TMPRSS15: variants seen among roughly 807,000 people sequenced by gnomAD.
TMPRSS15 encodes the protein transmembrane serine protease 15, also known as enteropeptidase.
In TMPRSS15, 128 loss-of-function variants were observed where a neutral mutation model predicts 125.3. That is an observed-to-expected ratio of 1.02 (90% confidence interval 0.89 to 1.18). TMPRSS15 has a LOEUF of 1.18. Ranked by LOEUF, TMPRSS15 falls within the 50% of genes most tolerant of loss-of-function variation. The probability of loss-of-function intolerance (pLI) is 0.00; values close to 1 mark genes in which losing one functional copy is unlikely to be tolerated. For missense variants in TMPRSS15, 1,283 were observed against 1,212.7 expected (o/e 1.06, Z -0.86); for synonymous variants, 446 against 423.2 (o/e 1.05, Z -0.66).
At chr21:18,363,336 A>C (rs1207969197) in intron 7 of TMPRSS15, among the ~76,000 whole-genome samples, 1 of 152,132 alleles carries the variant, frequency 6.6e-6, no homozygotes, top group African/African-American at 2.4e-5. Context: ...ATGGAAAGAA[A>C]CTAAAAACAA....
At chr21:18,403,376 C>G in intron 1 of TMPRSS15, 102 bp downstream of exon 1, 1 of 1,476,854 alleles carries the variant, frequency 6.8e-7, no homozygotes, top group Non-Finnish European at 9.4e-7. Flanking sequence ...CAAAATAATG[C>G]ATTTAGTTGG....
intron 11 of TMPRSS15, 32 bp from the exon 12 acceptor site, chr21:18,343,688 T>G: frequency 6.3e-7 from 1 of 1,596,700 alleles, no homozygotes. Context: ...ATGTTTGGAT[T>G]CCTACAACAT....
At position 18,270,194 on chromosome 21, in the gene TMPRSS15, T is replaced by TATC. The variant is rs113308814; in HGVS notation, c.2905-73_2905-71dup. Reference sequence around the variant, plus strand: ...TGATCGAAACATATAAAATTATTTGTATCAAATAAATTAAAAAATAAAAAT... The same window carrying TATC: ...TGATCGAAACATATAAAATTATTTGTATCATCAAATAAATTAAAAAATAAAAAT... On this transcript the variant is annotated intron_variant, in intron 24 of 24. Coordinates refer to ENST00000284885, the MANE Select transcript of TMPRSS15 (RefSeq NM_002772.3). The TATC allele has an allele frequency of 9.2e-3, 12,048 of 1,307,402 alleles. 860 individuals carry two copies. In the African/African-American group the frequency reaches 0.15, roughly 17 times the overall value. 81.0% of individuals were successfully genotyped at this position (1,307,402 alleles called of 1,614,324 possible). A position where few individuals can be genotyped will look rare whatever the true frequency, so the allele number is the denominator to read the frequency against.
intron 16 of TMPRSS15, among the ~76,000 whole-genome samples, chr21:18,318,582 A>G (rs2075199190): frequency 6.6e-6 from 1 of 152,190 alleles, no homozygotes; most frequent in Admixed American, 6.5e-5. Context: ...AGAAGCTTTG[A>G]ATTAGATGAT....
At chr21:18,275,833 G>T (rs542382822) in intron 23 of TMPRSS15, among the ~76,000 whole-genome samples, 1 of 152,278 alleles carries the variant, frequency 6.6e-6, no homozygotes, top group East Asian at 1.9e-4. Context: ...ACTATGCCCT[G>T]GTCTAGGGGC....
chr21:18,292,273 G>A (rs1309534198), intron 21 of TMPRSS15, among the ~76,000 whole-genome samples: 2 of 152,254 alleles, frequency 1.3e-5, no homozygotes, highest in East Asian at 3.9e-4. Flanking sequence ...TAAAGACAGG[G>A]CGTTCCTTCT....
chr21:18,380,611 A>G (rs1265922575), intron 4 of TMPRSS15: 1 of 470,574 alleles, frequency 2.1e-6, no homozygotes, highest in African/African-American at 2.0e-5. Flanking sequence ...TTGATTTAAC[A>G]CATGAGTTTA....
At chr21:18,270,195 A>G in intron 24 of TMPRSS15, 71 bp from the exon 25 acceptor site, 1 of 1,271,852 alleles carries the variant, frequency 7.9e-7, no homozygotes, top group Non-Finnish European at 1.1e-6. Flanking sequence ...AATTATTTGT[A>G]TCAAATAAAT....
chr21:18,295,571 C>A (rs940322751), intron 19 of TMPRSS15, among the ~76,000 whole-genome samples: 4 of 152,162 alleles, frequency 2.6e-5, no homozygotes, highest in Non-Finnish European at 5.9e-5. Flanking sequence ...AAGATCCACA[C>A]GTCTAATCAA....
chr21:18,480,992 C>T (rs1039843160), intron 1 of TMPRSS15, among the ~76,000 whole-genome samples: 2 of 151,736 alleles, frequency 1.3e-5, no homozygotes, highest in African/African-American at 2.4e-5. Flanking sequence ...CTCCACTAAT[C>T]GAACTCAAAC....
chr21:18,468,929 C>T (rs896229476), intron 1 of TMPRSS15, among the ~76,000 whole-genome samples: 10 of 152,068 alleles, frequency 6.6e-5, no homozygotes, highest in South Asian at 2.1e-4. Context: ...ATGTGGAGTA[C>T]GCAGGCGTAG....
chr21:18,461,011 T>C (rs1178627072), intron 1 of TMPRSS15, among the ~76,000 whole-genome samples: 1 of 152,202 alleles, frequency 6.6e-6, no homozygotes, highest in East Asian at 1.9e-4. Flanking sequence ...ATGTTTATGG[T>C]TTTCCTTGAA....
At chr21:18,345,795 G>C (rs1298633246) in intron 10 of TMPRSS15, among the ~76,000 whole-genome samples, 1 of 143,664 alleles carries the variant, frequency 7.0e-6, no homozygotes, top group African/African-American at 2.5e-5. Flanking sequence ...TACTCAAATG[G>C]TTAGCCTATT....
chr21:18,277,805 G>T (rs529177536), intron 23 of TMPRSS15, among the ~76,000 whole-genome samples: 1 of 152,216 alleles, frequency 6.6e-6, no homozygotes, highest in South Asian at 2.1e-4. Context: ...CAGGGATCAG[G>T]TTCTCTTATC....
At chr21:18,334,446 G>A (rs2075372873) in intron 13 of TMPRSS15, among the ~76,000 whole-genome samples, 1 of 152,150 alleles carries the variant, frequency 6.6e-6, no homozygotes. Context: ...TGTATAAGAG[G>A]AGGATTTGTT....
intron 1 of TMPRSS15, among the ~76,000 whole-genome samples, chr21:18,400,972 T>A (rs961266662): frequency 5.3e-5 from 8 of 152,036 alleles, no homozygotes; most frequent in Non-Finnish European, 1.2e-4. Flanking sequence ...ACAAATATTT[T>A]AAAAAATACT....
intron 17 of TMPRSS15, 64 bp downstream of exon 17, chr21:18,315,082 A>G (rs909213095): frequency 7.2e-6 from 9 of 1,252,520 alleles, no homozygotes; most frequent in Non-Finnish European, 1.0e-5. Flanking sequence ...TCTTTCTTTG[A>G]CACTGTAGAG....
chr21:18,305,580 T>C (rs908437891), intron 18 of TMPRSS15, among the ~76,000 whole-genome samples: 6 of 152,144 alleles, frequency 3.9e-5, no homozygotes, highest in African/African-American at 1.4e-4. Context: ...ACCTAGACCA[T>C]TCTGAATCTA....
At chr21:18,463,714 G>A (rs148423469) in intron 1 of TMPRSS15, among the ~76,000 whole-genome samples, 2,028 of 152,146 alleles carry the variant, frequency 0.013, 45 homozygotes, top group African/African-American at 0.046. Context: ...ACACTCCTCA[G>A]CAAATGCAAA....
Sources: allele counts gnomAD v4.1 joint callset (sites outside exome capture counted in the v4.1 genomes callset), GRCh38; gene constraint gnomAD v4.1.1; transcripts MANE v1.5; gene names NCBI Gene and HGNC (gene_info 2026-07-23, HGNC 2026-07-21).